Variants in EML3 observed in about 807,000 individuals in gnomAD.
EML3 encodes echinoderm microtubule-associated protein-like 3.
EML3 carries 53 observed loss-of-function variants against 106.7 expected under a neutral mutation model. That is an observed-to-expected ratio of 0.50 (90% CI 0.40 to 0.62). EML3 has a LOEUF of 0.62. EML3 is among the 20% of genes least tolerant of loss of function. The pLI is 0.00. For missense variants in EML3, 994 were observed against 1,209.1 expected, an observed-to-expected ratio of 0.82 and a Z score of 2.64; for synonymous variants, 499 against 489.6, an observed-to-expected ratio of 1.02 and a Z score of -0.25.
Position 62,611,445 on chromosome 11 carries a change from T to C in EML3, c.174A>G (p.Thr58=). The C allele has an allele frequency of 1.2e-6, 2 of 1,613,768 alleles. No homozygotes were observed. Among genetic ancestry groups the C allele is most frequent in the Non-Finnish European group, 1.7e-6 (2 of 1,179,846 alleles). Residue 58 remains threonine, a synonymous_variant, in exon 2 of 22, where the codon ACA becomes ACG. Transcript: ENST00000394773. ...VPPSSLQGSG[T]PAPPGDSLAA... is the part of the protein sequence containing the mutation. ...CATACCTGTCCCCCGGAGGAGCTGGTGTGCCAGAGCCCTGCAGGGAGGAAG... is the reference window on the plus strand; with the variant it reads ...CATACCTGTCCCCCGGAGGAGCTGGCGTGCCAGAGCCCTGCAGGGAGGAAG...
Position 62,611,335 on chromosome 11 carries a change from G to C in EML3, c.204C>G (p.Ala68=), listed in dbSNP as rs201693862. 1.9e-6 allele frequency: 3 copies of C among 1,613,034 alleles called. No homozygotes were observed. The highest frequency in any genetic ancestry group is 2.2e-5 in the South Asian group (2 of 91,076). The change falls in exon 3 of 22, where the codon GCC becomes GCG. Residue 68 remains alanine, a synonymous_variant. Coordinates refer to ENST00000394773, the MANE Select transcript of EML3 (RefSeq NM_153265.3). ...TGCACGTGGGTGGCAGTCCTGGGGG[G>C]GCTGCAAGACTGCTGGAGAGATGTT... ...TPAPPGDSLA[A]PPGLPPTCTP...
chr11:62,603,001 G>A, intron 20 of EML3, 112 bp from the exon 21 acceptor site: 1 of 1,480,582 alleles, frequency 6.8e-7, no homozygotes, highest in Non-Finnish European at 9.0e-7. Flanking sequence ...CGCGTTCCAG[G>A]CAAGCCTTCC....
At position 62,602,408 on chromosome 11, in the gene EML3, T is replaced by TA. The variant is rs200905340; in HGVS notation, c.*66_*67insT. 14 of 1,129,520 alleles carry TA rather than the reference T, an allele frequency of 1.2e-5. No homozygotes were observed. Among genetic ancestry groups the TA allele is most frequent in the Non-Finnish European group, 1.6e-5 (13 of 833,840 alleles). The allele number at this position is 1,129,520 out of a possible 1,614,324, so 70.0% of individuals were successfully genotyped here. ...GAGTCGGCCCCTAGTCGTGGGGGAT[T>TA]GGGCCAGGGAAGGGCAGGGCGGGGC... On this transcript the variant is annotated 3_prime_UTR_variant, in exon 22 of 22. Coordinates refer to ENST00000394773, the MANE Select transcript of EML3 (RefSeq NM_153265.3).
At chr11:62,610,827 A>G in intron 4 of EML3, 52 bp downstream of exon 4, 1 of 1,491,226 alleles carries the variant, frequency 6.7e-7, no homozygotes, top group Non-Finnish European at 9.2e-7. Flanking sequence ...GGATATGGAA[A>G]GTCGAGAGCC....
chr11:62,602,328 TCG>T lies in EML3; in HGVS notation c.*145_*146del. On this transcript the variant is annotated 3_prime_UTR_variant, in exon 22 of 22. Transcript: ENST00000394773. ...TAAACAGTGTGTGCAGGGGCGCCGT[TCG>T]CGCCCTCCAGGAAAATGCGCGATCG... 1 of 1,547,658 alleles carries T rather than the reference TCG, an allele frequency of 6.5e-7. No individual in the cohort carries two copies. The highest frequency in any genetic ancestry group is 2.0e-5 in the Admixed American group (1 of 50,904).
At chr11:62,604,776 C>T in intron 16 of EML3, 1 of 213,550 alleles carries the variant, frequency 4.7e-6, no homozygotes, top group South Asian at 8.4e-5. Flanking sequence ...AAACTACAGA[C>T]CAGGGGCCGA....
intron 20 of EML3, 129 bp from the exon 21 acceptor site, chr11:62,603,018 C>CGAGGGCCA: frequency 1.3e-6 from 2 of 1,487,242 alleles, no homozygotes; most frequent in Non-Finnish European, 1.8e-6. Context: ...TTCCCGGTCC[C>CGAGGGCCA]GAGGGGCCTC....
chr11:62,608,920 A>C, intron 7 of EML3, 42 bp downstream of exon 7: 1 of 1,608,566 alleles, frequency 6.2e-7, no homozygotes, highest in Non-Finnish European at 8.5e-7. Context: ...CCATCCCCCC[A>C]GACCCTCTTC....
chr11:62,607,243 T>C (rs1299543177), intron 11 of EML3, 144 bp from the exon 12 acceptor site: 1 of 945,690 alleles, frequency 1.1e-6, no homozygotes, highest in African/African-American at 1.7e-5. Flanking sequence ...AGGCCAGGAG[T>C]TTGTGACCAG....
At chr11:62,606,488 C>T (rs550051270) in intron 12 of EML3, 34 of 527,866 alleles carry the variant, frequency 6.4e-5, no homozygotes, top group African/African-American at 6.3e-4. Flanking sequence ...AAGCTCCAGC[C>T]GTTTCTCCTT....
At position 62,606,594 on chromosome 11, in the gene EML3, C is replaced by T. The variant is rs184556883; in HGVS notation, c.1504+364G>A. 5.1e-3 allele frequency among the ~76,000 whole-genome samples: 783 copies of T among 152,326 alleles called. 1 individual carries two copies. The highest frequency in any genetic ancestry group is 7.7e-3 in the Non-Finnish European group (527 of 68,024). On this transcript the variant is annotated intron_variant, in intron 12 of 21. Coordinates refer to ENST00000394773, the MANE Select transcript of EML3 (RefSeq NM_153265.3). Reference sequence around the variant, plus strand: ...AAACCTGGCTGGGCGCCGTGGCTCACGCCTGTAATCCCAGCACTTTGGGAG... The same window carrying T: ...AAACCTGGCTGGGCGCCGTGGCTCATGCCTGTAATCCCAGCACTTTGGGAG...
rs572791010 is a variant in EML3, at chr11:62,604,567, G to A, written c.1983-366C>T. 7 of 260,682 alleles carry A rather than the reference G, an allele frequency of 2.7e-5. No homozygotes were observed. In the East Asian group the frequency reaches 3.9e-4, roughly 14 times the overall value. The allele number at this position is 260,682 out of a possible 1,614,324, so 16.1% of individuals were successfully genotyped here. On this transcript the variant is annotated intron_variant, in intron 16 of 21. Transcript: ENST00000394773. ...TAATTTTTGTATTTTTAGTGGAGACGAGGTTTCACCATGTTGGCCAGGCTG... is the reference window on the plus strand; with the variant it reads ...TAATTTTTGTATTTTTAGTGGAGACAAGGTTTCACCATGTTGGCCAGGCTG...
chr11:62,608,867 C>A, intron 7 of EML3, 62 bp from the exon 8 acceptor site: 1 of 1,575,222 alleles, frequency 6.3e-7, no homozygotes, highest in South Asian at 1.2e-5. Flanking sequence ...GACACCTTCT[C>A]CAAGCTTGCA....
chr11:62,603,066 C>T (rs1175429632), intron 20 of EML3, 83 bp downstream of exon 20: 8 of 1,572,838 alleles, frequency 5.1e-6, no homozygotes, highest in African/African-American at 1.3e-5. Flanking sequence ...TCTCACCCAA[C>T]GACACACGCC....
Position 62,602,694 on chromosome 11 carries a change from G to A in EML3, c.2488-16C>T, listed in dbSNP as rs750197002. ...GGCTCGGCGCCTGGGCCGGAGGGAA[G>A]AGTTGCGGTGGCGGCTGAGCCCTCG... On this transcript the variant is annotated splice_polypyrimidine_tract_variant and intron_variant, in intron 21 of 21. Transcript: ENST00000394773. 1 of 1,599,198 alleles carries A rather than the reference G, an allele frequency of 6.3e-7. No individual in the cohort carries two copies. The highest frequency in any genetic ancestry group is 1.1e-5 in the South Asian group (1 of 89,762).
At position 62,608,533 on chromosome 11, in the gene EML3, C is replaced by A; in HGVS notation, c.1110+9G>T. 6.2e-7 allele frequency: 1 copy of A among 1,612,092 alleles called. No homozygotes were observed. Among genetic ancestry groups the A allele is most frequent in the Non-Finnish European group, 8.5e-7 (1 of 1,178,864 alleles). On this transcript the variant is annotated intron_variant, in intron 9 of 21. Transcript: ENST00000394773. Reference sequence around the variant, plus strand: ...GAATGGGGGTCTAGAGGCTTCAGGGCCAGCTCACCGCAGCTGAAAAGGCCA... The same window carrying A: ...GAATGGGGGTCTAGAGGCTTCAGGGACAGCTCACCGCAGCTGAAAAGGCCA...
intron 16 of EML3, among the ~76,000 whole-genome samples, 194 bp from the exon 17 acceptor site, chr11:62,604,395 T>C (rs1263987009): frequency 6.6e-6 from 1 of 152,088 alleles, no homozygotes; most frequent in South Asian, 2.1e-4. Flanking sequence ...TTGTTGTTGT[T>C]GTTTTGAGAC....
intron 12 of EML3, 80 bp from the exon 13 acceptor site, chr11:62,606,294 C>G: frequency 6.6e-7 from 1 of 1,509,148 alleles, no homozygotes. Context: ...TGTCGCAATA[C>G]AGTAAGAACT....
chr11:62,602,419 A>AGGGCAGGGCG lies in EML3; in HGVS notation c.*46_*55dup. On this transcript the variant is annotated 3_prime_UTR_variant, in exon 22 of 22. Coordinates refer to ENST00000394773, the MANE Select transcript of EML3 (RefSeq NM_153265.3). ...TAGTCGTGGGGGATTGGGCCAGGGAAGGGCAGGGCGGGGCGGGGCCACGCC... is the reference window on the plus strand; with the variant it reads ...TAGTCGTGGGGGATTGGGCCAGGGAAGGGCAGGGCGGGGCAGGGCGGGGCGGGGCCACGCC... 1.1e-6 allele frequency: 1 copy of AGGGCAGGGCG among 922,248 alleles called. No homozygotes were observed. The highest frequency in any genetic ancestry group is 1.6e-6 in the Non-Finnish European group (1 of 637,278). 57.1% of individuals were successfully genotyped at this position (922,248 alleles called of 1,614,324 possible). A position where few individuals can be genotyped will look rare whatever the true frequency, so the allele number is the denominator to read the frequency against.
Sources: allele counts gnomAD v4.1 joint callset (sites outside exome capture counted in the v4.1 genomes callset), GRCh38; gene constraint gnomAD v4.1.1; transcripts MANE v1.5; gene names NCBI Gene and HGNC (gene_info 2026-07-23, HGNC 2026-07-21).